The following MINDY4B variants were observed in gnomAD, a reference collection of about 807,000 sequenced individuals.
The protein encoded by MINDY4B is inactive ubiquitin carboxyl-terminal hydrolase MINDY-4B.
A neutral mutation model predicts 16.7 loss-of-function variants in MINDY4B; 25 were observed. The ratio of observed to expected loss-of-function variants is 1.49; its 90% confidence interval spans 1.09 to 2.09. The LOEUF is 2.09. Among genes scored for constraint, MINDY4B ranks in the 30% most tolerant of loss-of-function variants. MINDY4B has a pLI of 0.00. For missense variants in MINDY4B, 327 were observed against 168.4 expected (o/e 1.94, Z -5.21); for synonymous variants, 132 against 61.9 (o/e 2.13, Z -5.32).
At chr3:150,881,699 T>C (rs1306891868) in intron 10 of MINDY4B, among the ~76,000 whole-genome samples, 2 of 151,540 alleles carry the variant, frequency 1.3e-5, no homozygotes, top group Non-Finnish European at 2.9e-5. Flanking sequence ...GACCCCTGGG[T>C]AATGAAATTT....
chr3:150,884,293 C>T (rs1216536757), intron 8 of MINDY4B, among the ~76,000 whole-genome samples: 1 of 152,204 alleles, frequency 6.6e-6, no homozygotes, highest in Admixed American at 6.5e-5. Context: ...GTGGCTCCTG[C>T]TGTCACTTAG....
In MINDY4B at chr3:150,870,571, G is replaced by C. The variant is rs1716942869; in HGVS notation, c.*474C>G. 6.6e-6 allele frequency among the ~76,000 whole-genome samples: 1 copy of C among 152,184 alleles called. No homozygotes were observed. Among genetic ancestry groups the C allele is most frequent in the Admixed American group, 6.5e-5 (1 of 15,276 alleles). ...ACTTGCTAATGTGGGCATATGAACT[G>C]TATCCTTGGAAAGGAATGCCGTCCA... is the stretch of plus-strand genomic sequence containing the variant. On this transcript the variant is annotated 3_prime_UTR_variant, in exon 12 of 12. Coordinates refer to ENST00000465419, the MANE Select transcript of MINDY4B (RefSeq NM_001351281.2).
intron 10 of MINDY4B, among the ~76,000 whole-genome samples, chr3:150,874,554 TA>T (rs1427924006): frequency 6.6e-6 from 1 of 152,262 alleles, no homozygotes; most frequent in Admixed American, 6.5e-5. Flanking sequence ...CATATATATC[TA>T]CATGGACAAA....
chr3:150,902,789 CTG>C (rs899142224), intron 3 of MINDY4B, among the ~76,000 whole-genome samples: 1 of 152,220 alleles, frequency 6.6e-6, no homozygotes, highest in Non-Finnish European at 1.5e-5. Context: ...CCCCAGAAAA[CTG>C]TTTCTTTCTT....
Position 150,905,047 on chromosome 3 carries a change from G to A in MINDY4B, c.141+15C>T. The A allele has an allele frequency of 2.5e-6, 1 of 398,382 alleles. No homozygotes were observed. The allele number at this position is 398,382 out of a possible 1,614,324, so 24.7% of individuals were successfully genotyped here. On this transcript the variant is annotated intron_variant, in intron 2 of 11. Transcript: ENST00000465419. ...AACTAAAGGAGAACACACTGGCTTT[G>A]GGAAAAGTAATTACCTGAGGAGTTG...
intron 4 of MINDY4B, among the ~76,000 whole-genome samples, chr3:150,893,698 G>A (rs9681173): frequency 1.5e-4 from 8 of 52,300 alleles, no homozygotes; most frequent in Non-Finnish European, 2.1e-4. Flanking sequence ...TTTTTTTTTG[G>A]GGGGGGGGGT....
chr3:150,883,820 G>A (rs779638388), intron 8 of MINDY4B, 48 bp from the exon 9 acceptor site: 48 of 697,744 alleles, frequency 6.9e-5, no homozygotes, highest in Middle Eastern at 2.4e-4. Context: ...ACAGTGCACC[G>A]GGAGCCTGCA....
chr3:150,889,271 C>G (rs958189446), intron 7 of MINDY4B, among the ~76,000 whole-genome samples: 1 of 152,242 alleles, frequency 6.6e-6, no homozygotes, highest in Non-Finnish European at 1.5e-5. Context: ...GAATCTGTTT[C>G]CTAGTCCTTA....
chr3:150,879,785 A>C (rs974603390), intron 10 of MINDY4B, among the ~76,000 whole-genome samples: 2 of 152,170 alleles, frequency 1.3e-5, no homozygotes, highest in African/African-American at 4.8e-5. Flanking sequence ...TGATAGTTGT[A>C]AAAGATCTCC....
At chr3:150,875,267 TG>T (rs1408671232) in intron 10 of MINDY4B, among the ~76,000 whole-genome samples, 1 of 152,234 alleles carries the variant, frequency 6.6e-6, no homozygotes, top group Non-Finnish European at 1.5e-5. Context: ...CTTCTTGCTA[TG>T]GCACCCTTCT....
Position 150,885,876 on chromosome 3 carries a change from G to A in MINDY4B, c.754-438C>T, listed in dbSNP as rs141689072. Among the ~76,000 whole-genome samples, 499 of 152,106 alleles carry A rather than the reference G, an allele frequency of 3.3e-3. 3 individuals carry two copies. The highest frequency in any genetic ancestry group is 0.012 in the African/African-American group (479 of 41,480). On this transcript the variant is annotated intron_variant, in intron 7 of 11. Transcript: ENST00000465419. ...AACTCGCTTTGGAGTTATACACCTC[G>A]GTTCTACTGCTTTCTAACTCCTACT...
At chr3:150,882,009 G>A (rs527292397) in intron 10 of MINDY4B, among the ~76,000 whole-genome samples, 4 of 152,340 alleles carry the variant, frequency 2.6e-5, no homozygotes, top group African/African-American at 4.8e-5. Context: ...GACAGATGCT[G>A]AGCAGCGAGG....
Position 150,883,503 on chromosome 3 carries a change from A to C in MINDY4B, c.897+197T>G, listed in dbSNP as rs551574528. Among the ~76,000 whole-genome samples, 4 of 152,270 alleles carry C rather than the reference A, an allele frequency of 2.6e-5. No individual in the cohort carries two copies. In the East Asian group the frequency reaches 7.7e-4, roughly 29 times the overall value. On this transcript the variant is annotated intron_variant, in intron 9 of 11. Transcript: ENST00000465419. ...GACTGTTATGAAAATTAGACGGTAG[A>C]TTTTGATGCAACCCAGGGTAGTGTC... is the stretch of plus-strand genomic sequence containing the variant.
At position 150,903,389 on chromosome 3, in the gene MINDY4B, C is replaced by T; in HGVS notation, c.169G>A (p.Asp57Asn). The change falls in exon 3 of 12, where the codon GAT becomes AAT. Residue 57 changes from aspartate (D) to asparagine (N), a missense_variant. Coordinates refer to ENST00000465419, the MANE Select transcript of MINDY4B (RefSeq NM_001351281.2). ...QNHEGNHTSA[D>N]ENEDGTGLSQ... ...AGTCCTGTTCCATCTTCATTTTCAT[C>T]AGCAGATGTATGGTTGCCTTCATGA... is the stretch of plus-strand genomic sequence containing the variant. 2.5e-6 allele frequency: 1 copy of T among 398,556 alleles called. No homozygotes were observed. Among genetic ancestry groups the T allele is most frequent in the Non-Finnish European group, 4.4e-6 (1 of 226,018 alleles). The allele number at this position is 398,556 out of a possible 1,614,324, so 24.7% of individuals were successfully genotyped here. A position where few individuals can be genotyped will look rare whatever the true frequency, so the allele number is the denominator to read the frequency against.
Position 150,890,879 on chromosome 3 carries a change from A to G in MINDY4B, c.687+59T>C, listed in dbSNP as rs754122643. 8 of 691,394 alleles carry G rather than the reference A, an allele frequency of 1.2e-5. No homozygotes were observed. The African/African-American group carries it at 1.2e-4, about 11-fold the overall frequency. The allele number at this position is 691,394 out of a possible 1,614,324, so 42.8% of individuals were successfully genotyped here. ...CCACCTGCATACACATGGTAAGTCT[A>G]TTACATGCTCAGGCTTCACTGGCCT... On this transcript the variant is annotated intron_variant, in intron 6 of 11. Coordinates refer to ENST00000465419, the MANE Select transcript of MINDY4B (RefSeq NM_001351281.2).
chr3:150,899,465 C>T (rs2107910726), intron 3 of MINDY4B, among the ~76,000 whole-genome samples: 1 of 152,274 alleles, frequency 6.6e-6, no homozygotes, highest in South Asian at 2.1e-4. Context: ...CCTGAAGGAG[C>T]ACACAAAGGA....
At chr3:150,879,811 G>A (rs1260268793) in intron 10 of MINDY4B, among the ~76,000 whole-genome samples, 1 of 152,176 alleles carries the variant, frequency 6.6e-6, no homozygotes, top group Non-Finnish European at 1.5e-5. Context: ...ACTTCAATGT[G>A]CAGTCAGGGT....
Position 150,905,418 on chromosome 3 carries a change from G to T in MINDY4B, c.22C>A (p.Gln8Lys). The change falls in exon 1 of 12, where the codon CAG becomes AAG. Residue 8 changes from glutamine to lysine, a missense_variant. Physicochemically the swap from Gln to Lys is moderately conservative, Grantham distance 53 (BLOSUM62 1). Coordinates refer to ENST00000465419, the MANE Select transcript of MINDY4B (RefSeq NM_001351281.2). Reference protein sequence around the residue: MDMEVLGQEQSSEQLDLE... With the variant: MDMEVLGKEQSSEQLDLE... Reference sequence around the variant, plus strand: ...TCCAGCTGTTCGGAGCTTTGTTCCTGGCCCAAGACCTCCATATCCATTTGG... The same window carrying T: ...TCCAGCTGTTCGGAGCTTTGTTCCTTGCCCAAGACCTCCATATCCATTTGG... 1 of 398,408 alleles carries T rather than the reference G, an allele frequency of 2.5e-6. No individual in the cohort carries two copies. Among genetic ancestry groups the T allele is most frequent in the Non-Finnish European group, 4.4e-6 (1 of 225,982 alleles). 24.7% of individuals were successfully genotyped at this position (398,408 alleles called of 1,614,324 possible).
chr3:150,897,011 A>G (rs1051902536), intron 3 of MINDY4B, among the ~76,000 whole-genome samples: 1 of 152,218 alleles, frequency 6.6e-6, no homozygotes. Context: ...GGAGGTAAGA[A>G]GTATTAAAGA....
Sources: gnomAD v4.1 joint callset for allele counts (sites outside exome capture counted in the v4.1 genomes callset) on GRCh38, gnomAD v4.1.1 for gene constraint, MANE v1.5 for transcripts, NCBI Gene and HGNC (gene_info 2026-07-23, HGNC 2026-07-21) for gene names.